The following PARVG variants were observed in gnomAD, a reference collection of about 807,000 sequenced individuals.
The protein encoded by PARVG is parvin gamma, also known as gamma-parvin.
PARVG carries 36 observed loss-of-function variants against 44.4 expected under a neutral mutation model. The ratio of observed to expected loss-of-function variants is 0.81; its 90% CI spans 0.62 to 1.07. PARVG has a LOEUF of 1.07. PARVG is among the 50% of genes least tolerant of loss of function. PARVG has a pLI of 0.00. For missense variants in PARVG, 407 were observed against 407.4 expected (o/e 1.00, Z 0.01); for synonymous variants, 170 against 174.1 (o/e 0.98, Z 0.19).
intron 4 of PARVG, chr22:44,186,215 A>T (rs1173396418): frequency 3.2e-6 from 1 of 308,870 alleles, no homozygotes; most frequent in East Asian, 7.7e-5. Flanking sequence ...GCTGCCCGTA[A>T]CGGAGCTGTG....
In PARVG at chr22:44,205,839, A is replaced by G. The variant is rs959813909; in HGVS notation, c.886+10A>G. On this transcript the variant is annotated intron_variant, in intron 13 of 13. Coordinates refer to ENST00000444313, the MANE Select transcript of PARVG (RefSeq NM_022141.7). ...CCTGTCAGCCCTGAAGGTGAGTGCA[A>G]GGCAGATGCCCACACGGTGGCCAGC... The G allele has an allele frequency of 2.5e-6, 4 of 1,612,274 alleles. No individual in the cohort carries two copies. The African/African-American group carries it at 5.3e-5, about 22-fold the overall frequency.
intron 12 of PARVG, among the ~76,000 whole-genome samples, chr22:44,205,212 G>A (rs903888879): frequency 8.5e-5 from 13 of 152,202 alleles, no homozygotes; most frequent in Admixed American, 5.2e-4. Flanking sequence ...GCATTGGAGC[G>A]GACAGACCTG....
chr22:44,192,195 T>C (rs2054557687), intron 8 of PARVG, 91 bp downstream of exon 8: 7 of 1,435,792 alleles, frequency 4.9e-6, no homozygotes, highest in South Asian at 2.4e-5. Context: ...TGCCTGACCT[T>C]TGTGGGAAGG....
intron 7 of PARVG, among the ~76,000 whole-genome samples, chr22:44,191,400 T>A (rs1023681943): frequency 8.6e-5 from 12 of 139,478 alleles, no homozygotes; most frequent in Admixed American, 2.9e-4. Flanking sequence ...TTTTTTTTTT[T>A]TTTTTTTTTT....
At chr22:44,181,305 G>A in intron 1 of PARVG, 120 bp downstream of exon 1, 1 of 984,126 alleles carries the variant, frequency 1.0e-6, no homozygotes, top group Non-Finnish European at 1.2e-6. Flanking sequence ...CTCCTCCGAG[G>A]GCTTGTGGGA....
chr22:44,195,270 G>A (rs2054603147), intron 9 of PARVG, among the ~76,000 whole-genome samples: 1 of 152,144 alleles, frequency 6.6e-6, no homozygotes, highest in South Asian at 2.1e-4. Context: ...GTGAAGAAAG[G>A]ACACAGAGCA....
In PARVG at chr22:44,193,799, A is replaced by G. The variant is rs1174751302; in HGVS notation, c.561-2A>G. On this transcript the variant is annotated splice_acceptor_variant, in intron 8 of 13. Transcript: ENST00000444313. LOFTEE classifies it high-confidence loss of function. The stretch of plus-strand genomic sequence containing the variant: ...TGTTTGCTTTTTCCACCCACTGCAC[A>G]GCACAGACAAGGACGAGCCTCCAAG... The G allele has an allele frequency of 1.2e-6, 2 of 1,613,776 alleles. No homozygotes were observed. The highest frequency in any genetic ancestry group is 1.7e-5 in the Admixed American group (1 of 59,976).
rs201837894 is a variant in PARVG, at chr22:44,206,313, G to T, written c.887-4G>T. ...TGGCTGCCCTGCCCTCCTTTGGCCCGCAGATATCGTGAACAAGGATGCCAA... is the reference window on the plus strand; with the variant it reads ...TGGCTGCCCTGCCCTCCTTTGGCCCTCAGATATCGTGAACAAGGATGCCAA... On this transcript the variant is annotated splice_polypyrimidine_tract_variant and splice_region_variant and intron_variant, in intron 13 of 13. Transcript: ENST00000444313. The T allele has an allele frequency of 9.9e-6, 16 of 1,611,182 alleles. 1 individual carries two copies. Among genetic ancestry groups the T allele is most frequent in the South Asian group, 3.3e-5 (3 of 91,038 alleles).
At chr22:44,184,569 C>T (rs1451503125) in intron 3 of PARVG, 1 of 152,246 alleles carries the variant, frequency 6.6e-6, no homozygotes, top group African/African-American at 2.4e-5. Flanking sequence ...AAACTCCTGA[C>T]CTCAAGTGAT....
At position 44,206,561 on chromosome 22, in the gene PARVG, C is replaced by G. The variant is rs985260595; in HGVS notation, c.*135C>G. The stretch of plus-strand genomic sequence containing the variant: ...TTCCCTCCCACCCTGTCTCCTGTCT[C>G]CATCGTTGGATTATCTTTGAACCCC... On this transcript the variant is annotated 3_prime_UTR_variant, in exon 14 of 14. Coordinates refer to ENST00000444313, the MANE Select transcript of PARVG (RefSeq NM_022141.7). The G allele has an allele frequency of 1.3e-6, 1 of 746,780 alleles. No homozygotes were observed. The highest frequency in any genetic ancestry group is 2.3e-6 in the Non-Finnish European group (1 of 433,410). 46.3% of individuals were successfully genotyped at this position (746,780 alleles called of 1,614,324 possible).
chr22:44,187,421 G>A (rs2054488864), intron 4 of PARVG: 1 of 327,076 alleles, frequency 3.1e-6, no homozygotes, highest in African/African-American at 2.1e-5. Flanking sequence ...GGCAATCTAG[G>A]CTTTTTCTAT....
chr22:44,186,307 TGGTGGTG>T, intron 4 of PARVG: 1 of 328,880 alleles, frequency 3.0e-6, no homozygotes. Flanking sequence ...GGTGAGGTGG[TGGTGGTG>T]GGCCTGGGTC....
chr22:44,206,297 T>C lies in PARVG; in HGVS notation c.887-20T>C, dbSNP rs775885856. Reference sequence around the variant, plus strand: ...GCCACCCAGGCCTGACTGGCTGCCCTGCCCTCCTTTGGCCCGCAGATATCG... The same window carrying C: ...GCCACCCAGGCCTGACTGGCTGCCCCGCCCTCCTTTGGCCCGCAGATATCG... On this transcript the variant is annotated intron_variant, in intron 13 of 13. Coordinates refer to ENST00000444313, the MANE Select transcript of PARVG (RefSeq NM_022141.7). 2.5e-6 allele frequency: 4 copies of C among 1,593,154 alleles called. No individual in the cohort carries two copies. The African/African-American group carries it at 5.4e-5, about 21-fold the overall frequency.
rs765488268 is a variant in PARVG, at chr22:44,183,418, C to T, written c.79+10C>T. On this transcript the variant is annotated intron_variant, in intron 3 of 13. Transcript: ENST00000444313. The stretch of plus-strand genomic sequence containing the variant: ...GAGGAGCTCTCAAAAGGTGTGTGCC[C>T]ACGCAGGTCTGAGGGTGGAGGGTGA... 1.3e-5 allele frequency: 20 copies of T among 1,588,936 alleles called. No individual in the cohort carries two copies. The East Asian group carries it at 4.5e-4, about 36-fold the overall frequency.
rs868859113 is a variant in PARVG at position 44,181,724 on chromosome 22, C to G, written c.-188-18C>G. 7.8e-5 allele frequency: 77 copies of G among 985,312 alleles called. No homozygotes were observed. Among genetic ancestry groups the G allele is most frequent in the African/African-American group, 3.3e-4 (19 of 57,218 alleles). The allele number at this position is 985,312 out of a possible 1,614,324, so 61.0% of individuals were successfully genotyped here. A position where few individuals can be genotyped will look rare whatever the true frequency, so the allele number is the denominator to read the frequency against. On this transcript the variant is annotated intron_variant, in intron 1 of 13. Transcript: ENST00000444313. ...GCTTCACTTTCACGGCATCCACCCC[C>G]CTCGGGCCCTGCCGCAGAGAGGAGG...
intron 10 of PARVG, 44 bp downstream of exon 10, chr22:44,196,257 C>T (rs1201028660): frequency 1.2e-6 from 2 of 1,613,762 alleles, no homozygotes; most frequent in African/African-American, 2.7e-5. Flanking sequence ...GCTGCCCACC[C>T]CACCCACTGC....
At chr22:44,197,061 G>A (rs1193696451) in intron 11 of PARVG, among the ~76,000 whole-genome samples, 1 of 152,180 alleles carries the variant, frequency 6.6e-6, no homozygotes, top group Non-Finnish European at 1.5e-5. Context: ...GAGTCTGCTG[G>A]ATGCCAGTGG....
At chr22:44,190,943 G>A (rs904596647) in intron 7 of PARVG, among the ~76,000 whole-genome samples, 17 of 152,240 alleles carry the variant, frequency 1.1e-4, no homozygotes, top group African/African-American at 4.1e-4. Flanking sequence ...CATCTGGCTG[G>A]CAGAGGCTGA....
At chr22:44,176,338 T>A (rs1364656376), upstream of PARVG, among the ~76,000 whole-genome samples, 6 of 152,262 alleles carry the variant, frequency 3.9e-5, no homozygotes, top group Non-Finnish European at 8.8e-5. Context: ...TGTAAATAGT[T>A]GTTACACTGT....
Sources: gnomAD v4.1 joint callset for allele counts (sites outside exome capture counted in the v4.1 genomes callset) on GRCh38, gnomAD v4.1.1 for gene constraint, MANE v1.5 for transcripts, NCBI Gene and HGNC (gene_info 2026-07-23, HGNC 2026-07-21) for gene names.